Variants in TNIK observed in about 807,000 individuals in gnomAD.
The protein encoded by TNIK is TRAF2 and NCK interacting kinase, also known as TRAF2 and NCK-interacting protein kinase.
Under a neutral mutation model 191.3 loss-of-function variants are expected in TNIK, and 49 were observed. The ratio of observed to expected loss-of-function variants is 0.26; its 90% CI spans 0.20 to 0.32. The LOEUF is 0.32. Ranked by LOEUF, TNIK falls within the 10% of genes least tolerant of loss-of-function variation. TNIK has a pLI of 1.00. For missense variants in TNIK, 1,155 were observed against 1,702.3 expected, an observed-to-expected ratio of 0.68 and a Z score of 5.66; for synonymous variants, 594 against 600.9, an observed-to-expected ratio of 0.99 and a Z score of 0.17.
intron 1 of TNIK, among the ~76,000 whole-genome samples, chr3:171,435,946 G>C (rs1034707463): frequency 5.3e-5 from 8 of 152,146 alleles, no homozygotes; most frequent in Admixed American, 2.0e-4. Context: ...GGCTTGTTCT[G>C]GAGTGGGGGC....
At chr3:171,210,187 G>A (rs1740620075) in intron 4 of TNIK, among the ~76,000 whole-genome samples, 1 of 152,338 alleles carries the variant, frequency 6.6e-6, no homozygotes, top group East Asian at 1.9e-4. Flanking sequence ...CGGAAGGACA[G>A]AAGGTAGAGG....
chr3:171,244,019 T>C (rs978634864), intron 2 of TNIK, among the ~76,000 whole-genome samples: 3 of 151,796 alleles, frequency 2.0e-5, no homozygotes, highest in African/African-American at 4.8e-5. Context: ...AGAAAACAAT[T>C]GAAGAGGACT....
chr3:171,450,873 C>T (rs565371989), intron 1 of TNIK, among the ~76,000 whole-genome samples: 4 of 152,296 alleles, frequency 2.6e-5, no homozygotes, highest in Non-Finnish European at 5.9e-5. Flanking sequence ...CAGGCAAGAT[C>T]CCTATTCTCA....
At chr3:171,107,159 T>G (rs767598020) in intron 21 of TNIK, 24 bp downstream of exon 21, 1 of 1,606,912 alleles carries the variant, frequency 6.2e-7, no homozygotes, top group Non-Finnish European at 8.5e-7. Context: ...TGTGAAAGCA[T>G]GACCAAGAAA....
intron 1 of TNIK, among the ~76,000 whole-genome samples, chr3:171,457,484 G>A (rs1728914761): frequency 6.6e-6 from 1 of 152,130 alleles, no homozygotes. Context: ...GCATTTCAGG[G>A]GTCAGGCATT....
chr3:171,238,475 G>A (rs985674403), intron 2 of TNIK, among the ~76,000 whole-genome samples: 11 of 151,722 alleles, frequency 7.3e-5, no homozygotes, highest in Admixed American at 2.6e-4. Flanking sequence ...GGTTTTCAGC[G>A]GGGCAACTTT....
At chr3:171,381,501 G>A (rs1203097025) in intron 1 of TNIK, among the ~76,000 whole-genome samples, 3 of 152,314 alleles carry the variant, frequency 2.0e-5, no homozygotes, top group African/African-American at 7.2e-5. Flanking sequence ...AAATGACAGT[G>A]TATAGAGCAA....
chr3:171,239,446 A>G (rs1744689085), intron 2 of TNIK, among the ~76,000 whole-genome samples: 1 of 152,264 alleles, frequency 6.6e-6, no homozygotes, highest in Non-Finnish European at 1.5e-5. Flanking sequence ...TATCACTGAC[A>G]CCATTCACCA....
chr3:171,167,719 TG>T (rs1310010729), intron 9 of TNIK, among the ~76,000 whole-genome samples: 3 of 152,132 alleles, frequency 2.0e-5, no homozygotes, highest in Non-Finnish European at 2.9e-5. Context: ...TAATGTATGT[TG>T]GGGGACACTG....
At chr3:171,302,535 T>G (rs1752995629) in intron 2 of TNIK, among the ~76,000 whole-genome samples, 1 of 152,186 alleles carries the variant, frequency 6.6e-6, no homozygotes, top group South Asian at 2.1e-4. Context: ...CTTGCATTGG[T>G]CCATAACCAA....
chr3:171,098,565 A>ATTGT (rs1723031688), intron 22 of TNIK, among the ~76,000 whole-genome samples: 1 of 152,168 alleles, frequency 6.6e-6, no homozygotes, highest in South Asian at 2.1e-4. Context: ...GAAAAAAGCT[A>ATTGT]TTGTTTTAAA....
At chr3:171,166,977 G>T in intron 10 of TNIK, 118 bp downstream of exon 10, 1 of 1,282,852 alleles carries the variant, frequency 7.8e-7, no homozygotes, top group Non-Finnish European at 1.0e-6. Context: ...ACAGCCCCTC[G>T]CACTAAAGAA....
intron 2 of TNIK, among the ~76,000 whole-genome samples, chr3:171,313,492 T>C (rs1242147190): frequency 6.6e-6 from 1 of 152,164 alleles, no homozygotes; most frequent in Non-Finnish European, 1.5e-5. Context: ...GCAAAGTATA[T>C]AATTACCACT....
At chr3:171,109,765 GTAT>G (rs373075018) in intron 19 of TNIK, among the ~76,000 whole-genome samples, 12 of 152,140 alleles carry the variant, frequency 7.9e-5, no homozygotes, top group African/African-American at 2.4e-4. Context: ...TAGAAACAAT[GTAT>G]TATTATGTAT....
intron 32 of TNIK, among the ~76,000 whole-genome samples, chr3:171,065,602 G>A: frequency 6.6e-6 from 1 of 152,180 alleles, no homozygotes; most frequent in East Asian, 1.9e-4. Context: ...TGAGGTCACT[G>A]ATCATGCCAG....
intron 18 of TNIK, 126 bp from the exon 19 acceptor site, chr3:171,111,003 C>T (rs752181940): frequency 1.0e-4 from 97 of 929,304 alleles, no homozygotes; most frequent in Non-Finnish European, 1.3e-4. Context: ...AGCAAGAAAA[C>T]GAATAACCCA....
At chr3:171,457,092 T>C (rs893718952) in intron 1 of TNIK, among the ~76,000 whole-genome samples, 1 of 152,218 alleles carries the variant, frequency 6.6e-6, no homozygotes, top group Non-Finnish European at 1.5e-5. Context: ...TTAGTTTATC[T>C]CTGAGCTCTA....
intron 1 of TNIK, among the ~76,000 whole-genome samples, chr3:171,429,252 T>C (rs76192381): frequency 0.048 from 7,312 of 152,238 alleles, 593 homozygotes; most frequent in African/African-American, 0.17. Flanking sequence ...ATAAGAACTT[T>C]CACCTCTTCA....
chr3:171,230,759 A>G (rs1159058522), intron 2 of TNIK, among the ~76,000 whole-genome samples: 1 of 152,122 alleles, frequency 6.6e-6, no homozygotes, highest in Non-Finnish European at 1.5e-5. Context: ...CTGTCTATCA[A>G]TGAACATGTC....
Sources: gnomAD v4.1 joint callset for allele counts (sites outside exome capture counted in the v4.1 genomes callset) on GRCh38, gnomAD v4.1.1 for gene constraint, MANE v1.5 for transcripts, NCBI Gene and HGNC (gene_info 2026-07-23, HGNC 2026-07-21) for gene names.